The following LRMDA variants were observed in gnomAD, a reference collection of about 807,000 sequenced individuals.
LRMDA encodes leucine rich melanocyte differentiation associated.
Under a neutral mutation model 29.8 loss-of-function variants are expected in LRMDA, and 18 were observed. The observed-to-expected ratio is 0.60, with a 90% CI of 0.42 to 0.90. The LOEUF (loss-of-function observed/expected upper bound fraction) is 0.90, where lower values mean the gene tolerates loss of function less well. LRMDA is among the 40% of genes least tolerant of loss of function. The probability of loss-of-function intolerance (pLI) is 0.00; values close to 1 mark genes in which losing one functional copy is unlikely to be tolerated. For missense variants in LRMDA, 273 were observed against 273.9 expected (o/e 1.00, Z 0.02); for synonymous variants, 125 against 109.4 (o/e 1.14, Z -0.89).
chr10:76,440,893 A>G (rs1589188679), intron 6 of LRMDA, among the ~76,000 whole-genome samples: 2 of 152,254 alleles, frequency 1.3e-5, no homozygotes, highest in East Asian at 3.9e-4. Flanking sequence ...CCCCTTCATC[A>G]TGTGTCTATG....
chr10:76,533,228 A>T (rs1324195086), intron 6 of LRMDA, among the ~76,000 whole-genome samples: 3 of 152,208 alleles, frequency 2.0e-5, no homozygotes, highest in Non-Finnish European at 4.4e-5. Context: ...GATATTATTG[A>T]ATCTGTCCTA....
chr10:76,520,418 C>G (rs961735124), intron 6 of LRMDA, among the ~76,000 whole-genome samples: 11 of 152,190 alleles, frequency 7.2e-5, no homozygotes, highest in African/African-American at 2.6e-4. Flanking sequence ...CCACCCTCTT[C>G]TATTTCAAGA....
intron 6 of LRMDA, among the ~76,000 whole-genome samples, chr10:76,338,467 T>C (rs1272428037): frequency 6.6e-6 from 1 of 152,126 alleles, no homozygotes; most frequent in Non-Finnish European, 1.5e-5. Context: ...GGGGGCCTCA[T>C]AGCAGGCAAT....
chr10:76,310,680 G>C (rs1367001465), intron 5 of LRMDA, among the ~76,000 whole-genome samples: 1 of 152,168 alleles, frequency 6.6e-6, no homozygotes, highest in Non-Finnish European at 1.5e-5. Context: ...ATTTGAAAAT[G>C]TGCCTTCTGG....
intron 6 of LRMDA, among the ~76,000 whole-genome samples, chr10:76,483,967 T>C (rs1842757325): frequency 6.6e-6 from 1 of 151,892 alleles, no homozygotes; most frequent in South Asian, 2.1e-4. Flanking sequence ...GTAATTACTA[T>C]AGCTTTATAA....
In LRMDA at chr10:76,497,519, C is replaced by A. The variant is rs1230575246; in HGVS notation, c.602-59690C>A. Among the ~76,000 whole-genome samples, 2 of 75,244 alleles carry A rather than the reference C, an allele frequency of 2.7e-5. 1 individual carries two copies. The highest frequency in any genetic ancestry group is 8.8e-5 in the Non-Finnish European group (2 of 22,668). The allele number at this position is 75,244 out of a possible 152,430, so 49.4% of individuals were successfully genotyped here. On this transcript the variant is annotated intron_variant, in intron 6 of 6. Coordinates refer to ENST00000611255, the MANE Select transcript of LRMDA (RefSeq NM_001305581.2). ...TGCCACCATGCCCACCACTTCAACTCAAGTATACCCCACTGACTCTATTCA... is the reference window on the plus strand; with the variant it reads ...TGCCACCATGCCCACCACTTCAACTAAAGTATACCCCACTGACTCTATTCA...
chr10:75,896,822 T>C (rs1845590170), intron 2 of LRMDA, among the ~76,000 whole-genome samples: 2 of 148,744 alleles, frequency 1.3e-5, no homozygotes, highest in Admixed American at 6.7e-5. Context: ...ATAACAGTGC[T>C]AACTCTGAGA....
intron 2 of LRMDA, among the ~76,000 whole-genome samples, chr10:75,887,881 C>T (rs984171786): frequency 2.6e-5 from 4 of 152,084 alleles, no homozygotes; most frequent in African/African-American, 9.7e-5. Context: ...CACCAGCTGC[C>T]GGTTTTTAGT....
Position 75,901,694 on chromosome 10 carries a change from A to G in LRMDA, c.132-134314A>G, listed in dbSNP as rs139824420. Among the ~76,000 whole-genome samples, 445 of 152,350 alleles carry G rather than the reference A, an allele frequency of 2.9e-3. 3 individuals carry two copies. Among genetic ancestry groups the G allele is most frequent in the African/African-American group, 0.01 (418 of 41,582 alleles). On this transcript the variant is annotated intron_variant, in intron 2 of 6. Transcript: ENST00000611255. ...TACCATCAGTTATCAAATTATGTTA[A>G]TGATTCTAATGAAAGCTTCTGGTAT...
At chr10:76,038,254 C>T (rs1275731243) in intron 3 of LRMDA, among the ~76,000 whole-genome samples, 1 of 152,172 alleles carries the variant, frequency 6.6e-6, no homozygotes, top group South Asian at 2.1e-4. Flanking sequence ...TTGGACTGGT[C>T]GATGGTTTTA....
chr10:75,881,796 A>G (rs1845299232), intron 2 of LRMDA, among the ~76,000 whole-genome samples: 1 of 152,206 alleles, frequency 6.6e-6, no homozygotes, highest in Non-Finnish European at 1.5e-5. Flanking sequence ...TTTCATTTTC[A>G]ATAAATTTCT....
chr10:76,219,390 CAT>C (rs1215606199), intron 5 of LRMDA, among the ~76,000 whole-genome samples: 2 of 152,034 alleles, frequency 1.3e-5, no homozygotes, highest in African/African-American at 2.4e-5. Context: ...CAGAGACACA[CAT>C]AGGCTCAAAA....
chr10:76,014,501 C>G (rs1380337135), intron 2 of LRMDA, among the ~76,000 whole-genome samples: 2 of 152,088 alleles, frequency 1.3e-5, no homozygotes, highest in Non-Finnish European at 2.9e-5. Flanking sequence ...ACATCATATG[C>G]CCATATACAC....
chr10:76,404,047 A>G (rs569323058), intron 6 of LRMDA, among the ~76,000 whole-genome samples: 1 of 152,140 alleles, frequency 6.6e-6, no homozygotes, highest in East Asian at 1.9e-4. Flanking sequence ...CCTTCACCCA[A>G]TTGCCCATGA....
chr10:76,038,868 T>C (rs956106463), intron 3 of LRMDA, among the ~76,000 whole-genome samples: 1 of 152,212 alleles, frequency 6.6e-6, no homozygotes, highest in Non-Finnish European at 1.5e-5. Flanking sequence ...AGATCAGATG[T>C]TTGGCCAGGG....
chr10:76,103,531 G>A (rs897048160), intron 5 of LRMDA, among the ~76,000 whole-genome samples: 2 of 152,194 alleles, frequency 1.3e-5, no homozygotes, highest in Non-Finnish European at 2.9e-5. Flanking sequence ...AGGGCAGCAT[G>A]ATGGAGCCTG....
At chr10:75,641,407 A>AT (rs1841451192) in intron 2 of LRMDA, among the ~76,000 whole-genome samples, 2 of 93,190 alleles carry the variant, frequency 2.1e-5, no homozygotes, top group South Asian at 4.3e-4. Context: ...ATGTTAATAT[A>AT]TAATATATAT....
intron 2 of LRMDA, among the ~76,000 whole-genome samples, chr10:75,467,479 T>C (rs577637631): frequency 2.6e-5 from 4 of 152,318 alleles, no homozygotes; most frequent in East Asian, 3.9e-4. Context: ...TTGCCCCTGC[T>C]CTTCTTTCTC....
At chr10:75,647,048 T>G (rs574953797) in intron 2 of LRMDA, among the ~76,000 whole-genome samples, 1 of 142,066 alleles carries the variant, frequency 7.0e-6, no homozygotes, top group South Asian at 2.4e-4. Flanking sequence ...TGGCCGGCAG[T>G]CCCATGCAGA....
Sources: gnomAD v4.1 joint callset for allele counts (sites outside exome capture counted in the v4.1 genomes callset) on GRCh38, gnomAD v4.1.1 for gene constraint, MANE v1.5 for transcripts, NCBI Gene and HGNC (gene_info 2026-07-23, HGNC 2026-07-21) for gene names.